The following PDE3A variants were observed in gnomAD, a reference collection of about 807,000 sequenced individuals.
PDE3A encodes the protein phosphodiesterase 3A, also known as cGMP-inhibited 3',5'-cyclic phosphodiesterase 3A.
PDE3A carries 43 observed loss-of-function variants against 98.3 expected under a neutral mutation model. The ratio of observed to expected loss-of-function variants is 0.44; its 90% CI spans 0.34 to 0.56. The LOEUF (loss-of-function observed/expected upper bound fraction) is 0.56, where lower values mean the gene tolerates loss of function less well. PDE3A is among the 20% of genes least tolerant of loss of function. The pLI is 0.01. For synonymous variants in PDE3A, 663 were observed against 567.9 expected (o/e 1.17, Z -2.38); for missense variants, 1,427 against 1,440.7 (o/e 0.99, Z 0.15).
In PDE3A at chr12:20,552,617, G is replaced by A. The variant is rs1299479196; in HGVS notation, c.961-4043G>A. ...GGCCCGAGCAGGGCCGGGTCCCCGC[G>A]CCGGACATCCAAGAAAACCAAGGTG... On this transcript the variant is annotated intron_variant, in intron 1 of 15. Transcript: ENST00000359062. This position sits in a 1 kb window ranked among gnomAD's most constrained non-coding sequence, Gnocchi z 5.1. 6.2e-6 allele frequency: 10 copies of A among 1,613,560 alleles called. No individual in the cohort carries two copies. In the African/African-American group the frequency reaches 6.7e-5, roughly 11 times the overall value.
At chr12:20,570,973 G>C (rs1942789934) in intron 2 of PDE3A, among the ~76,000 whole-genome samples, 1 of 152,124 alleles carries the variant, frequency 6.6e-6, no homozygotes, top group Admixed American at 6.6e-5. Flanking sequence ...CAGTGTTTTA[G>C]ATGAAACTAG....
intron 1 of PDE3A, among the ~76,000 whole-genome samples, chr12:20,453,173 C>CT (rs55780939): frequency 0.24 from 30,197 of 124,336 alleles, 4,388 homozygotes; most frequent in Middle Eastern, 0.33. Flanking sequence ...CTTGATAATG[C>CT]TTTTTTTTTT....
At chr12:20,621,916 C>A (rs1214844768) in intron 5 of PDE3A, among the ~76,000 whole-genome samples, 1 of 152,016 alleles carries the variant, frequency 6.6e-6, no homozygotes, top group East Asian at 1.9e-4. Context: ...CCTTGCTCAC[C>A]CAAAACTGTA....
intron 10 of PDE3A, among the ~76,000 whole-genome samples, chr12:20,641,722 GATTT>G (rs1380216245): frequency 2.6e-5 from 4 of 152,064 alleles, no homozygotes; most frequent in Non-Finnish European, 2.9e-5. Context: ...CAGATTCTAA[GATTT>G]ATTATTCACT....
rs536560540 is a variant in PDE3A, at chr12:20,368,785, C to T, written c.-500C>T. Among the ~76,000 whole-genome samples the T allele has an allele frequency of 6.8e-4, 104 of 152,100 alleles. No homozygotes were observed. The highest frequency in any genetic ancestry group is 2.4e-3 in the African/African-American group (100 of 41,556). On this transcript the variant is annotated 5_prime_UTR_variant, in exon 1 of 16. Transcript: ENST00000359062. ...GGAGGAGAAGGGAGACCTCCATCTG[C>T]CGCGGGCCCGGCGCGCTGCAGCGCA...
chr12:20,673,732 A>G (rs375575179), intron 15 of PDE3A, among the ~76,000 whole-genome samples: 2,769 of 144,336 alleles, frequency 0.019, 80 homozygotes, highest in African/African-American at 0.067. Context: ...TAGCATTGGG[A>G]GATATACCTA....
chr12:20,634,754 C>T lies in PDE3A; in HGVS notation c.1847-148C>T, dbSNP rs541346230. On this transcript the variant is annotated intron_variant, in intron 7 of 15. Transcript: ENST00000359062. ...GTTAAGAGATGTGTGATGTTCTCCA[C>T]CCTATGATCCTATGTTCTTGGAGTG... 9.9e-5 allele frequency: 63 copies of T among 633,710 alleles called. No homozygotes were observed. In the Middle Eastern group the frequency reaches 1.7e-3, roughly 17 times the overall value. The allele number at this position is 633,710 out of a possible 1,614,324, so 39.3% of individuals were successfully genotyped here. A position where few individuals can be genotyped will look rare whatever the true frequency, so the allele number is the denominator to read the frequency against.
chr12:20,503,628 CTA>C lies in PDE3A; in HGVS notation c.961-53031_961-53030del, dbSNP rs1192069903. The stretch of plus-strand genomic sequence containing the variant: ...TAATTTGAATTTCTATTTTTTGAGA[CTA>C]GAGTCAGACGTAATAATATTATTTT... On this transcript the variant is annotated intron_variant, in intron 1 of 15. Coordinates refer to ENST00000359062, the MANE Select transcript of PDE3A (RefSeq NM_000921.5). Among the ~76,000 whole-genome samples the C allele has an allele frequency of 8.6e-5, 13 of 151,968 alleles. No homozygotes were observed. In the East Asian group the frequency reaches 2.5e-3, roughly 29 times the overall value.
Position 20,399,809 on chromosome 12 carries a change from A to G in PDE3A, c.960+29565A>G, listed in dbSNP as rs549041477. On this transcript the variant is annotated intron_variant, in intron 1 of 15. Transcript: ENST00000359062. ...TCAGTATAGCAATATTCTGAATTCA[A>G]AATTCTGTTGTTAAGGATGGTGTAA... Among the ~76,000 whole-genome samples the G allele has an allele frequency of 3.2e-4, 48 of 152,322 alleles. No homozygotes were observed. The South Asian group carries it at 8.5e-3, about 27-fold the overall frequency.
At chr12:20,537,663 A>G (rs1208592947) in intron 1 of PDE3A, among the ~76,000 whole-genome samples, 1 of 152,118 alleles carries the variant, frequency 6.6e-6, no homozygotes, top group Non-Finnish European at 1.5e-5. Context: ...ACACAATATT[A>G]AAGGCCATAT....
intron 2 of PDE3A, among the ~76,000 whole-genome samples, chr12:20,581,773 C>T (rs997726849): frequency 6.6e-6 from 1 of 151,774 alleles, no homozygotes; most frequent in African/African-American, 2.4e-5. Flanking sequence ...CCACTACGCC[C>T]GGCTAATTTT....
chr12:20,650,823 T>G (rs199646199), intron 14 of PDE3A, among the ~76,000 whole-genome samples: 2 of 151,756 alleles, frequency 1.3e-5, no homozygotes, highest in East Asian at 3.9e-4. Context: ...TGCAAGCATT[T>G]GGGGGAAGAA....
chr12:20,390,261 T>C (rs1943888182), intron 1 of PDE3A, among the ~76,000 whole-genome samples: 1 of 151,840 alleles, frequency 6.6e-6, no homozygotes, highest in Non-Finnish European at 1.5e-5. Flanking sequence ...AGGAATTTGA[T>C]ATTTTATGTG....
intron 1 of PDE3A, among the ~76,000 whole-genome samples, chr12:20,448,111 C>T (rs1056881134): frequency 6.6e-6 from 1 of 152,142 alleles, no homozygotes; most frequent in African/African-American, 2.4e-5. Flanking sequence ...AGCCCATTAA[C>T]CATATATTAA....
chr12:20,673,543 C>T (rs376893378), intron 15 of PDE3A, among the ~76,000 whole-genome samples: 1 of 148,822 alleles, frequency 6.7e-6, no homozygotes, highest in Non-Finnish European at 1.5e-5. Context: ...AGTTCATGTC[C>T]TTTGTAGGGA....
At chr12:20,426,924 G>A (rs1445574671) in intron 1 of PDE3A, among the ~76,000 whole-genome samples, 1 of 152,132 alleles carries the variant, frequency 6.6e-6, no homozygotes, top group Non-Finnish European at 1.5e-5. Context: ...TTTTAGGGCT[G>A]TTCTATGATT....
intron 1 of PDE3A, among the ~76,000 whole-genome samples, chr12:20,464,663 A>G (rs1229038613): frequency 6.6e-6 from 1 of 152,120 alleles, no homozygotes; most frequent in Admixed American, 6.5e-5. Context: ...GCCCATGCTA[A>G]TTTCTATGGC....
chr12:20,664,393 C>G (rs1006789937), intron 15 of PDE3A, among the ~76,000 whole-genome samples: 1 of 152,174 alleles, frequency 6.6e-6, no homozygotes, highest in Admixed American at 6.5e-5. Context: ...GAACAGACCT[C>G]TCTTCTAAGC....
intron 1 of PDE3A, among the ~76,000 whole-genome samples, chr12:20,495,879 A>C (rs752933583): frequency 1.3e-5 from 2 of 152,198 alleles, no homozygotes; most frequent in Non-Finnish European, 2.9e-5. Flanking sequence ...TTGATAAGAA[A>C]CTAAATGGAC....
Sources: gnomAD v4.1 joint callset for allele counts (sites outside exome capture counted in the v4.1 genomes callset) on GRCh38, gnomAD v4.1.1 for gene constraint, Gnocchi (gnomAD v3.1) non-coding constraint, MANE v1.5 for transcripts, NCBI Gene and HGNC (gene_info 2026-07-23, HGNC 2026-07-21) for gene names.